The following ZNF670 variants were observed in gnomAD, a reference collection of about 807,000 sequenced individuals.
ZNF670 encodes zinc finger protein 670.
In ZNF670, 7 loss-of-function variants were observed where a neutral mutation model predicts 10.9. The ratio of observed to expected loss-of-function variants is 0.64; its 90% confidence interval spans 0.36 to 1.20. The LOEUF (loss-of-function observed/expected upper bound fraction) is 1.20, where lower values mean the gene tolerates loss of function less well. Ranked by LOEUF, ZNF670 falls within the 50% of genes most tolerant of loss-of-function variation. The probability of loss-of-function intolerance (pLI) is 0.02; values close to 1 mark genes in which losing one functional copy is unlikely to be tolerated. For missense variants in ZNF670, 446 were observed against 458.6 expected (o/e 0.97, Z 0.25); for synonymous variants, 136 against 152.7 (o/e 0.89, Z 0.81).
At position 247,037,768 on chromosome 1, in the gene ZNF670, A is replaced by C; in HGVS notation, c.851T>G (p.Ile284Arg). Residue 284 changes from isoleucine to arginine, a missense_variant, in exon 4 of 4, where the codon ATA (isoleucine) becomes AGA (arginine). Physicochemically the swap from Ile to Arg is moderately conservative, Grantham distance 97 (BLOSUM62 -3). Transcript: ENST00000366503. ...THTGEKPYECIKCGKAFRCSR... is the reference protein window; with the variant it reads ...THTGEKPYECRKCGKAFRCSR... ...ACATCTAAAGGCTTTGCCACATTTT[A>C]TACATTCATAGGGTTTTTCTCCAGT... is the stretch of plus-strand genomic sequence containing the variant. The C allele has an allele frequency of 6.2e-7, 1 of 1,613,594 alleles. No homozygotes were observed. Among genetic ancestry groups the C allele is most frequent in the Non-Finnish European group, 8.5e-7 (1 of 1,179,924 alleles).
chr1:247,067,808 C>A (rs1412148755), intron 1 of ZNF670, among the ~76,000 whole-genome samples: 1 of 133,068 alleles, frequency 7.5e-6, no homozygotes, highest in Non-Finnish European at 1.5e-5. Flanking sequence ...CGCCACTGCA[C>A]TCCAGCCTGG....
intron 1 of ZNF670, among the ~76,000 whole-genome samples, chr1:247,069,784 T>TA (rs1463687336): frequency 2.6e-5 from 4 of 152,106 alleles, no homozygotes; most frequent in Admixed American, 2.6e-4. Context: ...TTGTGGGATC[T>TA]AAAAATCAAA....
intron 1 of ZNF670, among the ~76,000 whole-genome samples, chr1:247,064,543 T>C (rs1172372285): frequency 6.6e-6 from 1 of 152,052 alleles, no homozygotes; most frequent in Non-Finnish European, 1.5e-5. Flanking sequence ...CTTTAAAGAG[T>C]TCCACTGTTG....
chr1:247,062,618 G>C (rs965935085), intron 1 of ZNF670, among the ~76,000 whole-genome samples: 3 of 152,156 alleles, frequency 2.0e-5, no homozygotes, highest in Non-Finnish European at 4.4e-5. Flanking sequence ...CCCTCACCCT[G>C]CTCACTAAAA....
rs1671075646 is a variant in ZNF670, at chr1:247,069,873, T to C, written c.3+8721A>G. On this transcript the variant is annotated intron_variant, in intron 1 of 3. Coordinates refer to ENST00000366503, the MANE Select transcript of ZNF670 (RefSeq NM_033213.5). ...GTAGTCAGGGGGACTAGGGAAGAGG[T>C]GGGGATGGTTAATGCGTATTTAAAA... 2.0e-5 allele frequency among the ~76,000 whole-genome samples: 3 copies of C among 152,050 alleles called. No individual in the cohort carries two copies. The South Asian group carries it at 6.2e-4, about 32-fold the overall frequency.
At chr1:247,050,970 G>A (rs1249738187) in intron 1 of ZNF670, among the ~76,000 whole-genome samples, 1 of 151,764 alleles carries the variant, frequency 6.6e-6, no homozygotes, top group East Asian at 1.9e-4. Context: ...ATGCTTTAAG[G>A]AGGTTCTATT....
chr1:247,062,524 C>G (rs1250198094), intron 1 of ZNF670, among the ~76,000 whole-genome samples: 2 of 152,106 alleles, frequency 1.3e-5, no homozygotes, highest in Non-Finnish European at 2.9e-5. Context: ...TTTAAGGTGA[C>G]AACACAGGGA....
At chr1:247,058,357 T>C (rs978941130) in intron 1 of ZNF670, among the ~76,000 whole-genome samples, 7 of 152,174 alleles carry the variant, frequency 4.6e-5, no homozygotes, top group African/African-American at 1.4e-4. Flanking sequence ...TTCAGATACT[T>C]TGTGAAATGC....
In ZNF670 at chr1:247,078,665, A is replaced by T; in HGVS notation, c.-69T>A. On this transcript the variant is annotated 5_prime_UTR_variant, in exon 1 of 4. Coordinates refer to ENST00000366503, the MANE Select transcript of ZNF670 (RefSeq NM_033213.5). ...GGACCTGCAGGTCCCAGAGCAACAG[A>T]AGCTGCCGCGGGACCACTTGGACCT... 1 of 1,578,256 alleles carries T rather than the reference A, an allele frequency of 6.3e-7. No homozygotes were observed. Among genetic ancestry groups the T allele is most frequent in the Non-Finnish European group, 8.7e-7 (1 of 1,151,854 alleles).
At position 247,037,649 on chromosome 1, in the gene ZNF670, G is replaced by A; in HGVS notation, c.970C>T (p.Leu324=). Residue 324 remains leucine (L), a synonymous_variant, in exon 4 of 4, where the codon CTA becomes TTA. Coordinates refer to ENST00000366503, the MANE Select transcript of ZNF670 (RefSeq NM_033213.5). ...GTGTGAGTTCTTTCATGCTCACATA[G>A]GTTACTAGAATATTTGAAGGCTTTA... ...CGKAFKYSSN[L]CEHERTHTGV... is the part of the protein sequence containing the mutation. 2 of 1,614,022 alleles carry A rather than the reference G, an allele frequency of 1.2e-6. No homozygotes were observed. Among genetic ancestry groups the A allele is most frequent in the African/African-American group, 1.3e-5 (1 of 75,030 alleles).
chr1:247,059,167 C>T (rs965424632), intron 1 of ZNF670, among the ~76,000 whole-genome samples: 14 of 152,044 alleles, frequency 9.2e-5, no homozygotes, highest in Non-Finnish European at 1.8e-4. Flanking sequence ...CCAGGCTGGG[C>T]GCAGTGGCTC....
In ZNF670 at chr1:247,060,142, T is replaced by TA. The variant is rs550397860; in HGVS notation, c.3+18451dup. On this transcript the variant is annotated intron_variant, in intron 1 of 3. Transcript: ENST00000366503. ...AAAAAAGAAAATTTATTCTAACACCTATATGAAAAGCCAAAAGACCCAGAT... is the reference window on the plus strand; with the variant it reads ...AAAAAAGAAAATTTATTCTAACACCTAATATGAAAAGCCAAAAGACCCAGAT... Among the ~76,000 whole-genome samples the TA allele has an allele frequency of 8.2e-4, 125 of 152,204 alleles. 1 individual carries two copies. The highest frequency in any genetic ancestry group is 2.7e-3 in the African/African-American group (114 of 41,518).
chr1:247,046,542 T>A (rs1670453251), intron 1 of ZNF670, among the ~76,000 whole-genome samples: 1 of 152,176 alleles, frequency 6.6e-6, no homozygotes, highest in African/African-American at 2.4e-5. Flanking sequence ...AATACAAGAG[T>A]TAAGGAAGCT....
chr1:247,038,542 T>A, intron 3 of ZNF670, 115 bp from the exon 4 acceptor site: 1 of 1,117,448 alleles, frequency 8.9e-7, no homozygotes, highest in Non-Finnish European at 1.2e-6. Flanking sequence ...AGTAAATAAA[T>A]TAATTACTGT....
chr1:247,066,025 G>A (rs1670972299), intron 1 of ZNF670, among the ~76,000 whole-genome samples: 1 of 152,128 alleles, frequency 6.6e-6, no homozygotes, highest in African/African-American at 2.4e-5. Flanking sequence ...GGGTGAATAG[G>A]GGCACCCACA....
chr1:247,062,448 C>T (rs1670880139), intron 1 of ZNF670, among the ~76,000 whole-genome samples: 1 of 152,150 alleles, frequency 6.6e-6, no homozygotes, highest in South Asian at 2.1e-4. Context: ...AAATATTTTA[C>T]CTTTTTATCT....
At chr1:247,056,092 T>C (rs1670708461) in intron 1 of ZNF670, among the ~76,000 whole-genome samples, 1 of 148,026 alleles carries the variant, frequency 6.8e-6, no homozygotes, top group South Asian at 2.2e-4. Flanking sequence ...ACCCTACTTT[T>C]AGCATTAGAC....
At chr1:247,048,038 C>T (rs1427940057) in intron 1 of ZNF670, among the ~76,000 whole-genome samples, 1 of 152,182 alleles carries the variant, frequency 6.6e-6, no homozygotes, top group Non-Finnish European at 1.5e-5. Context: ...CTGCAGCTGG[C>T]TTAAATTTTT....
At position 247,067,774 on chromosome 1, in the gene ZNF670, G is replaced by A. The variant is rs867068364; in HGVS notation, c.3+10820C>T. The stretch of plus-strand genomic sequence containing the variant: ...GGAGAATGGCGTGAACCCGGGAGGC[G>A]GAGCTTGCAGTGAGCCGAGATCCCG... On this transcript the variant is annotated intron_variant, in intron 1 of 3. Coordinates refer to ENST00000366503, the MANE Select transcript of ZNF670 (RefSeq NM_033213.5). Among the ~76,000 whole-genome samples the A allele has an allele frequency of 1.5e-4, 21 of 141,730 alleles. No homozygotes were observed. The South Asian group carries it at 1.8e-3, about 12-fold the overall frequency. 93.0% of individuals were successfully genotyped at this position (141,730 alleles called of 152,430 possible).
Sources: allele counts gnomAD v4.1 joint callset (sites outside exome capture counted in the v4.1 genomes callset), GRCh38; gene constraint gnomAD v4.1.1; transcripts MANE v1.5; gene names NCBI Gene and HGNC (gene_info 2026-07-23, HGNC 2026-07-21).